GNAL: variants seen among roughly 807,000 people sequenced by gnomAD.
GNAL encodes the protein guanine nucleotide-binding protein G(olf) subunit alpha.
A neutral mutation model predicts 55.1 loss-of-function variants in GNAL; 18 were observed. That is an observed-to-expected ratio of 0.33 (90% CI 0.23 to 0.48). The LOEUF is 0.48. GNAL is among the 20% of genes least tolerant of loss of function. The pLI, the probability that GNAL is intolerant of heterozygous loss-of-function variation, is 0.99. For missense variants in GNAL, 412 were observed against 614.1 expected (o/e 0.67, Z 3.48); for synonymous variants, 253 against 237.0 (o/e 1.07, Z -0.62).
intron 10 of GNAL, among the ~76,000 whole-genome samples, chr18:11,876,092 A>G (rs940024485): frequency 1.3e-5 from 2 of 152,210 alleles, no homozygotes; most frequent in Admixed American, 1.3e-4. Flanking sequence ...ATGAATTTGG[A>G]GGAGACAAAA....
At chr18:11,876,812 G>C in intron 11 of GNAL, 124 bp downstream of exon 11, 2 of 700,164 alleles carry the variant, frequency 2.9e-6, no homozygotes, top group Non-Finnish European at 5.2e-6. Flanking sequence ...GATGACAAAG[G>C]GTATGTTACT....
chr18:11,756,849 A>G (rs1032802536), intron 4 of GNAL, among the ~76,000 whole-genome samples: 1 of 152,210 alleles, frequency 6.6e-6, no homozygotes, highest in Non-Finnish European at 1.5e-5. Flanking sequence ...TAAATCAAGT[A>G]TTTTAATAGT....
At chr18:11,690,414 T>C (rs1452050540) in intron 1 of GNAL, among the ~76,000 whole-genome samples, 1 of 152,118 alleles carries the variant, frequency 6.6e-6, no homozygotes, top group African/African-American at 2.4e-5. Context: ...GTGTTGTGGG[T>C]GGGTGTGGCC....
chr18:11,733,079 T>C (rs972536506), intron 1 of GNAL, among the ~76,000 whole-genome samples: 2 of 150,042 alleles, frequency 1.3e-5, no homozygotes, highest in African/African-American at 4.8e-5. Flanking sequence ...CACCTGGACA[T>C]GTGAAGAGAA....
At chr18:11,821,605 C>A (rs1002964938) in intron 4 of GNAL, among the ~76,000 whole-genome samples, 6 of 152,146 alleles carry the variant, frequency 3.9e-5, no homozygotes, top group African/African-American at 1.2e-4. Context: ...AAGGGTATTG[C>A]GAAGGAAGTG....
intron 1 of GNAL, chr18:11,702,261 C>G (rs1343655668): frequency 6.6e-6 from 1 of 152,252 alleles, no homozygotes. Flanking sequence ...AGCTCGCTAG[C>G]AGAGCAAGAC....
chr18:11,756,428 T>G (rs899359608), intron 4 of GNAL, among the ~76,000 whole-genome samples: 1 of 152,134 alleles, frequency 6.6e-6, no homozygotes, highest in African/African-American at 2.4e-5. Context: ...GAGGTAATAC[T>G]TTTGTGGGGG....
chr18:11,689,733 G>T lies in GNAL; in HGVS notation c.170G>T (p.Gly57Val). ...DTARTLLPRG[G>V]EGSPACARPK... is the part of the protein sequence containing the mutation. ...GCCCGGACCCTGCTCCCTCGGGGCG[G>T]CGAAGGGAGCCCGGCATGCGCTCGG... The change falls in exon 1 of 12, where the codon GGC becomes GTC. Residue 57 changes from glycine to valine, a missense_variant. By Grantham distance (109) the Gly-to-Val change is moderately radical. Around this residue, in one of 5 missense-constraint regions of GNAL, gnomAD observed 228 missense variants for 194.8 expected, o/e 1.17. Coordinates refer to ENST00000334049, the MANE Select transcript of GNAL (RefSeq NM_182978.4). 6.7e-7 allele frequency: 1 copy of T among 1,501,820 alleles called. No homozygotes were observed. The allele number at this position is 1,501,820 out of a possible 1,614,324, so 93.0% of individuals were successfully genotyped here.
At chr18:11,800,207 G>A (rs1598470186) in intron 4 of GNAL, among the ~76,000 whole-genome samples, 6 of 152,268 alleles carry the variant, frequency 3.9e-5, no homozygotes, top group Admixed American at 3.9e-4. Flanking sequence ...GTGGATGGGT[G>A]AGTGGATGGA....
In GNAL at chr18:11,751,491, A is replaced by T; in HGVS notation, c.377-1362A>T. On this transcript the variant is annotated intron_variant, in intron 1 of 11. Transcript: ENST00000334049. The surrounding 1 kb of genome is among the most constrained non-coding windows in gnomAD (Gnocchi z 4.5). ...TGGAATAGTCTAGAAGCTGAGCAGA[A>T]CAAAGGCGGTGTGACTGGTGAGCCT... The T allele has an allele frequency of 1.0e-6, 1 of 985,472 alleles. No individual in the cohort carries two copies. Among genetic ancestry groups the T allele is most frequent in the Non-Finnish European group, 1.2e-6 (1 of 829,930 alleles). The allele number at this position is 985,472 out of a possible 1,614,324, so 61.0% of individuals were successfully genotyped here.
At chr18:11,792,195 CCCTT>C (rs2034257830) in intron 4 of GNAL, among the ~76,000 whole-genome samples, 5 of 151,954 alleles carry the variant, frequency 3.3e-5, no homozygotes, top group Admixed American at 3.3e-4. Flanking sequence ...TTCCTTCCCT[CCCTT>C]CCTTCCTTCC....
At chr18:11,869,390 A>G (rs948570755) in intron 9 of GNAL, among the ~76,000 whole-genome samples, 3 of 151,990 alleles carry the variant, frequency 2.0e-5, no homozygotes, top group African/African-American at 7.2e-5. Context: ...TGATCCACCC[A>G]CCTCGGCCTC....
At chr18:11,741,865 A>G (rs1409696753) in intron 1 of GNAL, among the ~76,000 whole-genome samples, 1 of 152,198 alleles carries the variant, frequency 6.6e-6, no homozygotes. Flanking sequence ...ATTTTGGTAA[A>G]ATATATGCAA....
intron 1 of GNAL, among the ~76,000 whole-genome samples, chr18:11,690,395 C>T (rs921760317): frequency 1.3e-5 from 2 of 152,072 alleles, no homozygotes; most frequent in African/African-American, 4.8e-5. Context: ...AGCTTTTATT[C>T]CAATCACAGT....
chr18:11,805,555 T>A (rs1327922756), intron 4 of GNAL, among the ~76,000 whole-genome samples: 1 of 152,136 alleles, frequency 6.6e-6, no homozygotes, highest in Admixed American at 6.5e-5. Context: ...TTCTACAGTC[T>A]ATGTCCTGTA....
chr18:11,824,068 AAAAG>A (rs745735954), intron 4 of GNAL, among the ~76,000 whole-genome samples: 39 of 152,310 alleles, frequency 2.6e-4, no homozygotes, highest in Middle Eastern at 6.8e-3. Context: ...TTTAAACGAA[AAAAG>A]AAATAAATTA....
intron 1 of GNAL, among the ~76,000 whole-genome samples, chr18:11,695,922 G>GCACGCGCACA (rs968123360): frequency 2.9e-5 from 4 of 136,052 alleles, no homozygotes; most frequent in African/African-American, 1.2e-4. Context: ...ATGCACGCAT[G>GCACGCGCACA]CACACACACA....
At position 11,885,342 on chromosome 18, in the gene GNAL, G is replaced by A. The variant is rs1319147449; in HGVS notation, c.*4207G>A. ...GCATGTTTAGAAAATAAGAGAAGATGGCTGAGTATAGCTAATGAATAAATG... is the reference window on the plus strand; with the variant it reads ...GCATGTTTAGAAAATAAGAGAAGATAGCTGAGTATAGCTAATGAATAAATG... On this transcript the variant is annotated 3_prime_UTR_variant, in exon 12 of 12. Coordinates refer to ENST00000334049, the MANE Select transcript of GNAL (RefSeq NM_182978.4). 1 of 300,754 alleles carries A rather than the reference G, an allele frequency of 3.3e-6. No homozygotes were observed. Among genetic ancestry groups the A allele is most frequent in the African/African-American group, 2.2e-5 (1 of 45,436 alleles). The allele number at this position is 300,754 out of a possible 1,614,324, so 18.6% of individuals were successfully genotyped here.
rs3078934 is a variant in GNAL, at chr18:11,839,552, C to CAAAAAAAAAA, written c.722+14545_722+14554dup. 2.9e-3 allele frequency among the ~76,000 whole-genome samples: 237 copies of CAAAAAAAAAA among 81,270 alleles called. 2 individuals are homozygous for CAAAAAAAAAA. The highest frequency in any genetic ancestry group is 0.01 in the Middle Eastern group (1 of 98). 53.3% of individuals were successfully genotyped at this position (81,270 alleles called of 152,430 possible). A position where few individuals can be genotyped will look rare whatever the true frequency, so the allele number is the denominator to read the frequency against. On this transcript the variant is annotated intron_variant, in intron 5 of 11. Coordinates refer to ENST00000334049, the MANE Select transcript of GNAL (RefSeq NM_182978.4). ...TGGGTGGCAGAGCAAGACCTTGCCT[C>CAAAAAAAAAA]AAAAAAAAAAAAAAAAATTTTTTTT...
Sources: allele counts gnomAD v4.1 joint callset (sites outside exome capture counted in the v4.1 genomes callset), GRCh38; gene constraint gnomAD v4.1.1; regional missense constraint gnomAD v4.1.1; non-coding constraint Gnocchi (gnomAD v3.1); transcripts MANE v1.5; gene names NCBI Gene and HGNC (gene_info 2026-07-23, HGNC 2026-07-21).